GALNTL5: variants seen among roughly 807,000 people sequenced by gnomAD.
GALNTL5 encodes the protein inactive polypeptide N-acetylgalactosaminyltransferase-like protein 5.
GALNTL5 carries 44 observed loss-of-function variants against 51.0 expected under a neutral mutation model. The ratio of observed to expected loss-of-function variants is 0.86; its 90% CI spans 0.68 to 1.11. The LOEUF (loss-of-function observed/expected upper bound fraction) is 1.11. Ranked by LOEUF, GALNTL5 falls within the 50% of genes least tolerant of loss-of-function variation. The pLI is 0.00. For synonymous variants in GALNTL5, 192 were observed against 182.8 expected (o/e 1.05, Z -0.41); for missense variants, 528 against 531.8 (o/e 0.99, Z 0.07).
intron 7 of GALNTL5, among the ~76,000 whole-genome samples, chr7:152,010,216 G>C (rs976809462): frequency 6.6e-6 from 1 of 151,976 alleles, no homozygotes. Context: ...AGGTTCAAGC[G>C]ATTCCCCTGC....
chr7:152,000,959 G>A (rs1235866527), intron 5 of GALNTL5, among the ~76,000 whole-genome samples: 1 of 140,490 alleles, frequency 7.1e-6, no homozygotes, highest in Non-Finnish European at 1.5e-5. Flanking sequence ...AGGCTGGAGT[G>A]CAGTGGCACG....
intron 3 of GALNTL5, among the ~76,000 whole-genome samples, chr7:151,979,575 TCAGCCTCCCAAGTGGCTGGGATTA>T (rs1342352492): frequency 3.3e-5 from 5 of 152,002 alleles, no homozygotes; most frequent in Non-Finnish European, 7.4e-5. Flanking sequence ...TTCTCCTGCC[TCAGCCTCCCAAGTGGCTGGGATTA>T]CAGGCACCCG....
chr7:151,962,426 A>ATTTTTTTTCT (rs1554403528), intron 1 of GALNTL5, among the ~76,000 whole-genome samples: 1 of 33,946 alleles, frequency 2.9e-5, no homozygotes, highest in Non-Finnish European at 8.0e-5. Context: ...AGTCTGTGTG[A>ATTTTTTTTCT]TTTTTTTTTC....
chr7:151,957,810 A>G (rs1283821384), intron 1 of GALNTL5: 1 of 152,148 alleles, frequency 6.6e-6, no homozygotes, highest in East Asian at 1.9e-4. Flanking sequence ...TTTAGTGAAG[A>G]AAATAACTGA....
At chr7:151,959,232 C>CA (rs1199795680) in intron 1 of GALNTL5, among the ~76,000 whole-genome samples, 1 of 148,942 alleles carries the variant, frequency 6.7e-6, no homozygotes, top group African/African-American at 2.5e-5. Context: ...CTCCCCTTAC[C>CA]TTTTTTTTTT....
intron 7 of GALNTL5, among the ~76,000 whole-genome samples, chr7:152,013,329 C>T (rs988083372): frequency 1.3e-4 from 19 of 151,750 alleles, no homozygotes; most frequent in Admixed American, 1.1e-3. Context: ...CACATGTACC[C>T]TTGAACTGAA....
chr7:151,960,639 C>G (rs527691496), intron 1 of GALNTL5: 1 of 152,484 alleles, frequency 6.6e-6, no homozygotes, highest in African/African-American at 2.4e-5. Flanking sequence ...ACCCCACAGG[C>G]AGCTTGCGCT....
chr7:151,983,095 C>G lies in GALNTL5; in HGVS notation c.478C>G (p.Leu160Val), dbSNP rs1225552746. 6.2e-7 allele frequency: 1 copy of G among 1,614,184 alleles called. No homozygotes were observed. The highest frequency in any genetic ancestry group is 8.5e-7 in the Non-Finnish European group (1 of 1,180,028). ...LFQTMSSVTN[L>V]TPHYFLEEII... Reference sequence around the variant, plus strand: ...TCAGACCATGTCCAGTGTCACGAACCTCACGCCACACTATTTTCTTGAAGA... The same window carrying G: ...TCAGACCATGTCCAGTGTCACGAACGTCACGCCACACTATTTTCTTGAAGA... Residue 160 changes from leucine (L) to valine (V), a missense_variant, in exon 4 of 9, where the codon CTC (leucine) becomes GTC (valine). By Grantham distance (32) the Leu-to-Val change is conservative. Transcript: ENST00000392800.
chr7:152,003,971 T>C (rs192641151), intron 6 of GALNTL5, among the ~76,000 whole-genome samples: 1 of 152,286 alleles, frequency 6.6e-6, no homozygotes, highest in African/African-American at 2.4e-5. Flanking sequence ...TCATTCTTTT[T>C]GAAAACAATT....
intron 3 of GALNTL5, 57 bp from the exon 4 acceptor site, chr7:151,982,929 A>G (rs773246313): frequency 3.6e-5 from 58 of 1,612,972 alleles, no homozygotes; most frequent in Admixed American, 6.7e-5. Flanking sequence ...GAACGAGATG[A>G]CACAACATCC....
intron 3 of GALNTL5, among the ~76,000 whole-genome samples, chr7:151,981,040 C>T (rs573798893): frequency 9.0e-4 from 137 of 152,214 alleles, no homozygotes; most frequent in African/African-American, 2.9e-3. Context: ...CCACCGCGCC[C>T]GGCCACAATG....
intron 5 of GALNTL5, among the ~76,000 whole-genome samples, chr7:151,990,307 G>C (rs1444106343): frequency 6.6e-6 from 1 of 151,964 alleles, no homozygotes; most frequent in African/African-American, 2.4e-5. Flanking sequence ...GCCTCCTGAA[G>C]TGTTGGGATT....
At chr7:151,961,839 T>TA (rs1173944400) in intron 1 of GALNTL5, among the ~76,000 whole-genome samples, 5 of 151,980 alleles carry the variant, frequency 3.3e-5, no homozygotes, top group Non-Finnish European at 5.9e-5. Flanking sequence ...ATCTTTATTT[T>TA]AAAAATATTT....
At chr7:152,015,125 C>T (rs1318156351) in intron 8 of GALNTL5, among the ~76,000 whole-genome samples, 2 of 152,068 alleles carry the variant, frequency 1.3e-5, no homozygotes, top group Non-Finnish European at 2.9e-5. Flanking sequence ...ACCCCTCTAA[C>T]CCCTCATCAA....
chr7:151,961,948 A>T, intron 1 of GALNTL5, among the ~76,000 whole-genome samples: 1 of 149,964 alleles, frequency 6.7e-6, no homozygotes, highest in East Asian at 1.9e-4. Context: ...CCCCAGTTCA[A>T]CTCCCTCTTA....
At chr7:151,958,747 C>T (rs1422234824) in intron 1 of GALNTL5, among the ~76,000 whole-genome samples, 3 of 152,122 alleles carry the variant, frequency 2.0e-5, no homozygotes, top group Non-Finnish European at 1.5e-5. Context: ...ACCCATCATT[C>T]GGTGGGTCCC....
intron 3 of GALNTL5, among the ~76,000 whole-genome samples, chr7:151,982,320 A>G (rs1023105422): frequency 6.6e-6 from 1 of 152,196 alleles, no homozygotes; most frequent in Non-Finnish European, 1.5e-5. Flanking sequence ...AGGCTGAGGC[A>G]GGAGAATCGC....
chr7:151,961,405 C>A (rs887991025), intron 1 of GALNTL5, among the ~76,000 whole-genome samples: 2 of 151,616 alleles, frequency 1.3e-5, no homozygotes, highest in Non-Finnish European at 2.9e-5. Flanking sequence ...TACCTGGGAG[C>A]CTGAGGTGGG....
chr7:151,987,346 A>T, intron 5 of GALNTL5, 65 bp downstream of exon 5: 1 of 1,422,182 alleles, frequency 7.0e-7, no homozygotes, highest in East Asian at 2.5e-5. Context: ...TCTGAGCGGG[A>T]CTCCTCTGCA....
Sources: allele counts gnomAD v4.1 joint callset (sites outside exome capture counted in the v4.1 genomes callset), GRCh38; gene constraint gnomAD v4.1.1; transcripts MANE v1.5; gene names NCBI Gene and HGNC (gene_info 2026-07-23, HGNC 2026-07-21).